The following PBRM1 variants were observed in gnomAD, a reference collection of about 807,000 sequenced individuals.
PBRM1 encodes the protein protein polybromo-1.
In PBRM1, 27 loss-of-function variants were observed where a neutral mutation model predicts 194.5. That is an observed-to-expected ratio of 0.14 (90% confidence interval 0.10 to 0.19). The LOEUF (loss-of-function observed/expected upper bound fraction) is 0.19. PBRM1 is among the 10% of genes least tolerant of loss of function. The probability of loss-of-function intolerance (pLI) is 1.00; values close to 1 mark genes in which losing one functional copy is unlikely to be tolerated. For synonymous variants in PBRM1, 655 were observed against 693.2 expected (o/e 0.94, Z 0.87); for missense variants, 1,466 against 2,077.2 (o/e 0.71, Z 5.72).
chr3:52,625,248 T>C (rs751077494), intron 13 of PBRM1, among the ~76,000 whole-genome samples: 9 of 152,242 alleles, frequency 5.9e-5, no homozygotes, highest in Non-Finnish European at 1.3e-4. Context: ...CCCTGACTTC[T>C]GTGGCCAAGA....
intron 17 of PBRM1, among the ~76,000 whole-genome samples, chr3:52,595,607 T>C (rs934158265): frequency 1.3e-5 from 2 of 152,186 alleles, no homozygotes; most frequent in African/African-American, 4.8e-5. Context: ...TTGCAGATAG[T>C]TTTTTCCCAC....
At chr3:52,580,113 G>A (rs944335335) in intron 20 of PBRM1, among the ~76,000 whole-genome samples, 1 of 152,010 alleles carries the variant, frequency 6.6e-6, no homozygotes. Context: ...GGTGACATGC[G>A]CCTGTATTCA....
intron 6 of PBRM1, among the ~76,000 whole-genome samples, chr3:52,649,532 T>C (rs1178746686): frequency 4.6e-5 from 7 of 152,248 alleles, no homozygotes; most frequent in Admixed American, 3.9e-4. Flanking sequence ...ATGATGTTCC[T>C]GAGTTCTGCC....
intron 5 of PBRM1, among the ~76,000 whole-genome samples, chr3:52,653,589 CAAA>C (rs71087003): frequency 6.6e-5 from 8 of 120,584 alleles, no homozygotes; most frequent in African/African-American, 9.1e-5. Context: ...AATTCTGTCT[CAAA>C]AAAAAAAAAA....
upstream of PBRM1, among the ~76,000 whole-genome samples, chr3:52,682,536 T>A (rs2154078094): frequency 6.6e-6 from 1 of 152,314 alleles, no homozygotes; most frequent in East Asian, 1.9e-4. Context: ...TTTACTTTGG[T>A]AAGATAAGAA....
exon 29 of PBRM1, chr3:52,550,568 G>A (rs1345421279): frequency 1.3e-6 from 2 of 1,546,332 alleles, no homozygotes; most frequent in Admixed American, 2.1e-5. Context: ...TGTATGACAG[G>A]GGGTCCAGCT....
upstream of PBRM1, among the ~76,000 whole-genome samples, chr3:52,684,520 A>G (rs1030959008): frequency 6.6e-6 from 1 of 152,132 alleles, no homozygotes; most frequent in African/African-American, 2.4e-5. Flanking sequence ...CTATAAACCT[A>G]CTTCCAAGAA....
intron 25 of PBRM1, among the ~76,000 whole-genome samples, chr3:52,560,887 A>ACC (rs1241383317): frequency 6.6e-6 from 1 of 152,150 alleles, no homozygotes; most frequent in African/African-American, 2.4e-5. Flanking sequence ...CAGCCTAAAT[A>ACC]ATTAATGTTT....
intron 22 of PBRM1, among the ~76,000 whole-genome samples, chr3:52,566,706 T>A (rs2085327102): frequency 6.6e-6 from 1 of 152,194 alleles, no homozygotes; most frequent in Non-Finnish European, 1.5e-5. Context: ...TTATTTGGGA[T>A]AATGAAAAAA....
rs536239139 is a variant in PBRM1, at chr3:52,651,561, A to G, written c.714+181T>C. On this transcript the variant is annotated intron_variant, in intron 6 of 29. Transcript: ENST00000296302. ...AAATGTCGGTAACCAATGTGTTTTA[A>G]TTTTTGTCCTAAGATGCAATCCAAA... is the stretch of plus-strand genomic sequence containing the variant. Among the ~76,000 whole-genome samples the G allele has an allele frequency of 2.6e-5, 4 of 152,318 alleles. No homozygotes were observed. The South Asian group carries it at 8.3e-4, about 32-fold the overall frequency.
chr3:52,643,042 C>A (rs902961883), intron 9 of PBRM1, among the ~76,000 whole-genome samples: 7 of 152,202 alleles, frequency 4.6e-5, no homozygotes, highest in Non-Finnish European at 4.4e-5. Flanking sequence ...CCCGTATCAG[C>A]CTCCCAAAGT....
chr3:52,578,239 T>A (rs1284397821), intron 21 of PBRM1, among the ~76,000 whole-genome samples: 1 of 152,216 alleles, frequency 6.6e-6, no homozygotes, highest in Non-Finnish European at 1.5e-5. Flanking sequence ...ACGGCACGTA[T>A]CATGACCTAA....
At chr3:52,571,343 A>G in intron 22 of PBRM1, among the ~76,000 whole-genome samples, 1 of 140,016 alleles carries the variant, frequency 7.1e-6, no homozygotes, top group East Asian at 2.2e-4. Flanking sequence ...AAAAAAAAAG[A>G]TTGGCCAGGC....
chr3:52,643,265 G>A (rs1280947236), exon 9 of PBRM1: 1 of 1,612,428 alleles, frequency 6.2e-7, no homozygotes, highest in East Asian at 2.2e-5. Flanking sequence ...ACTTGCTAGT[G>A]GGATTTCTCT....
intron 3 of PBRM1, among the ~76,000 whole-genome samples, chr3:52,662,955 T>C (rs1029354016): frequency 3.3e-5 from 5 of 152,164 alleles, no homozygotes; most frequent in African/African-American, 9.6e-5. Context: ...TTATTAATAC[T>C]TGTGGTTTGA....
rs748703799 is a variant in PBRM1, at chr3:52,609,141, C to A, written c.2567+172G>T. On this transcript the variant is annotated intron_variant, in intron 16 of 29. Coordinates refer to ENST00000296302, the Ensembl canonical transcript of PBRM1. This position sits in a 1 kb window ranked among gnomAD's most constrained non-coding sequence, Gnocchi z 4.1. ...ACTTAGTGGTGTGCCTTCTCTCCCCCACAGAATATACTCACTCTTAAGAAG... is the reference window on the plus strand; with the variant it reads ...ACTTAGTGGTGTGCCTTCTCTCCCCAACAGAATATACTCACTCTTAAGAAG... 5.5e-5 allele frequency: 32 copies of A among 586,386 alleles called. No homozygotes were observed. Among genetic ancestry groups the A allele is most frequent in the Non-Finnish European group, 7.4e-5 (25 of 337,452 alleles). The allele number at this position is 586,386 out of a possible 1,614,324, so 36.3% of individuals were successfully genotyped here.
chr3:52,597,804 A>C (rs1411638050), intron 17 of PBRM1, among the ~76,000 whole-genome samples: 3 of 152,126 alleles, frequency 2.0e-5, no homozygotes, highest in Non-Finnish European at 4.4e-5. Flanking sequence ...CCCAGGTTCA[A>C]GCAATTCTCT....
At chr3:52,634,220 T>C (rs1379364918) in intron 11 of PBRM1, among the ~76,000 whole-genome samples, 3 of 152,036 alleles carry the variant, frequency 2.0e-5, no homozygotes, top group African/African-American at 2.4e-5. Context: ...GGGCAGATCA[T>C]GAGGTCAGGA....
At chr3:52,568,439 T>G (rs748447375) in intron 22 of PBRM1, among the ~76,000 whole-genome samples, 5 of 152,246 alleles carry the variant, frequency 3.3e-5, no homozygotes, top group Non-Finnish European at 5.9e-5. Context: ...GTCATTTTTG[T>G]TTTTGCCAGT....
Sources: gnomAD v4.1 joint callset for allele counts (sites outside exome capture counted in the v4.1 genomes callset) on GRCh38, gnomAD v4.1.1 for gene constraint, Gnocchi (gnomAD v3.1) non-coding constraint, MANE v1.5 for transcripts, NCBI Gene and HGNC (gene_info 2026-07-23, HGNC 2026-07-21) for gene names.